The following ACVR2A variants were observed in gnomAD, a reference collection of about 807,000 sequenced individuals.
ACVR2A encodes activin A receptor type 2A.
A neutral mutation model predicts 61.4 loss-of-function variants in ACVR2A; 7 were observed. The observed-to-expected ratio is 0.11, with a 90% CI of 0.06 to 0.21. The LOEUF (loss-of-function observed/expected upper bound fraction) is 0.21. Among genes scored for constraint, ACVR2A ranks in the 10% least tolerant of loss-of-function variants. ACVR2A has a pLI of 1.00. For synonymous variants in ACVR2A, 193 were observed against 208.3 expected, an observed-to-expected ratio of 0.93 and a Z score of 0.63; for missense variants, 322 against 621.7, an observed-to-expected ratio of 0.52 and a Z score of 5.13.
chr2:147,862,896 A>G (rs906452779), intron 1 of ACVR2A, among the ~76,000 whole-genome samples: 1 of 152,192 alleles, frequency 6.6e-6, no homozygotes, highest in African/African-American at 2.4e-5. Context: ...ATGTATAACA[A>G]TAGTATTGCT....
intron 1 of ACVR2A, among the ~76,000 whole-genome samples, chr2:147,886,951 C>G (rs1033013760): frequency 6.6e-6 from 1 of 152,080 alleles, no homozygotes; most frequent in African/African-American, 2.4e-5. Flanking sequence ...TGGCTCACAC[C>G]TGTAATCCCA....
intron 1 of ACVR2A, among the ~76,000 whole-genome samples, chr2:147,878,338 T>C (rs1274186028): frequency 1.3e-5 from 2 of 152,226 alleles, no homozygotes; most frequent in Non-Finnish European, 1.5e-5. Flanking sequence ...TTATAGTACT[T>C]ACGTAAGCCA....
rs1687494213 is a variant in ACVR2A at position 147,926,172 on chromosome 2, C to T, written c.1347+11C>T. 2 of 1,596,466 alleles carry T rather than the reference C, an allele frequency of 1.3e-6. No homozygotes were observed. The highest frequency in any genetic ancestry group is 2.7e-5 in the African/African-American group (2 of 73,620). On this transcript the variant is annotated intron_variant, in intron 10 of 10. Transcript: ENST00000241416. Reference sequence around the variant, plus strand: ...TGGCAGAAACATGCTGTAAGTTATCCAGTTAGCTTTTCATTTGAAATTCCA... The same window carrying T: ...TGGCAGAAACATGCTGTAAGTTATCTAGTTAGCTTTTCATTTGAAATTCCA...
rs774933071 is a variant in ACVR2A, at chr2:147,877,224, A to G, written c.56-19077A>G. Among the ~76,000 whole-genome samples the G allele has an allele frequency of 6.6e-5, 10 of 152,076 alleles. 1 individual carries two copies. Among genetic ancestry groups the G allele is most frequent in the Admixed American group, 2.6e-4 (4 of 15,254 alleles). On this transcript the variant is annotated intron_variant, in intron 1 of 10. Coordinates refer to ENST00000241416, the MANE Select transcript of ACVR2A (RefSeq NM_001616.5). ...CCACTAGTAAGAATTTTTTTGTCTTATGTTTAAATGTTTCACTAATAGAAG... is the reference window on the plus strand; with the variant it reads ...CCACTAGTAAGAATTTTTTTGTCTTGTGTTTAAATGTTTCACTAATAGAAG...
intron 1 of ACVR2A, among the ~76,000 whole-genome samples, chr2:147,880,385 A>G (rs1372202607): frequency 1.3e-5 from 2 of 152,132 alleles, no homozygotes; most frequent in Admixed American, 1.3e-4. Context: ...TCATTTTTTT[A>G]TATTTCTTTA....
chr2:147,907,087 G>A (rs991182292), intron 4 of ACVR2A, among the ~76,000 whole-genome samples: 5 of 151,972 alleles, frequency 3.3e-5, no homozygotes, highest in African/African-American at 9.7e-5. Context: ...GAGAACATGT[G>A]GTGTTTGGGT....
At chr2:147,902,536 C>G (rs1479389240) in intron 4 of ACVR2A, among the ~76,000 whole-genome samples, 1 of 151,928 alleles carries the variant, frequency 6.6e-6, no homozygotes, top group Non-Finnish European at 1.5e-5. Context: ...AACATTGTCT[C>G]ACATAGGACA....
Position 147,929,814 on chromosome 2 carries a change from T to TA in ACVR2A, c.*2540_*2541insA, listed in dbSNP as rs946116778. The TA allele has an allele frequency of 1.3e-5, 2 of 152,310 alleles. No homozygotes were observed. The highest frequency in any genetic ancestry group is 4.8e-5 in the African/African-American group (2 of 41,388). 9.4% of individuals were successfully genotyped at this position (152,310 alleles called of 1,614,324 possible). On this transcript the variant is annotated 3_prime_UTR_variant, in exon 11 of 11. Coordinates refer to ENST00000241416, the MANE Select transcript of ACVR2A (RefSeq NM_001616.5). ...CCCCCCAAATAACTCTTTCCTCATG[T>TA]GTATGGTGCTCCTCATGACTCGTCT...
At chr2:147,861,739 A>T (rs747676341) in intron 1 of ACVR2A, among the ~76,000 whole-genome samples, 2 of 152,150 alleles carry the variant, frequency 1.3e-5, no homozygotes, top group Non-Finnish European at 2.9e-5. Flanking sequence ...TGGATAAGGG[A>T]TATTCAGCCT....
At chr2:147,889,012 A>G (rs1459958477) in intron 1 of ACVR2A, among the ~76,000 whole-genome samples, 3 of 149,364 alleles carry the variant, frequency 2.0e-5, no homozygotes, top group African/African-American at 7.4e-5. Flanking sequence ...TTTTTTTTTT[A>G]TTGTGAATAA....
intron 1 of ACVR2A, among the ~76,000 whole-genome samples, chr2:147,891,164 G>A (rs1573683755): frequency 6.6e-6 from 1 of 152,094 alleles, no homozygotes; most frequent in Admixed American, 6.5e-5. Context: ...AGTGCCCTAG[G>A]CAGCCATTAC....
intron 1 of ACVR2A, among the ~76,000 whole-genome samples, chr2:147,891,968 T>G (rs1037501580): frequency 6.6e-6 from 1 of 151,968 alleles, no homozygotes; most frequent in Non-Finnish European, 1.5e-5. Flanking sequence ...TTTTTGTTTT[T>G]TTTGTTTTGT....
intron 8 of ACVR2A, among the ~76,000 whole-genome samples, chr2:147,921,288 G>T (rs1687375282): frequency 6.6e-6 from 1 of 152,086 alleles, no homozygotes; most frequent in Non-Finnish European, 1.5e-5. Flanking sequence ...TCCCACCTCG[G>T]CCTCCCAAAG....
chr2:147,888,316 G>A (rs901831121), intron 1 of ACVR2A, among the ~76,000 whole-genome samples: 1 of 152,128 alleles, frequency 6.6e-6, no homozygotes, highest in African/African-American at 2.4e-5. Flanking sequence ...TGTTTACAGT[G>A]AAACTTGCTG....
At chr2:147,877,443 A>G (rs968237719) in intron 1 of ACVR2A, 6 of 152,216 alleles carry the variant, frequency 3.9e-5, no homozygotes, top group African/African-American at 1.2e-4. Context: ...GGCAGCACAT[A>G]TACTAATATC....
At chr2:147,915,383 G>T (rs1687225184) in intron 5 of ACVR2A, 49 bp downstream of exon 5, 1 of 1,602,892 alleles carries the variant, frequency 6.2e-7, no homozygotes, top group Admixed American at 1.7e-5. Flanking sequence ...TTATGGCTAG[G>T]TCATCATAAC....
chr2:147,864,428 C>T (rs1472070745), intron 1 of ACVR2A, among the ~76,000 whole-genome samples: 1 of 152,060 alleles, frequency 6.6e-6, no homozygotes, highest in African/African-American at 2.4e-5. Context: ...GGTGAGGTTT[C>T]ACCATCTTGG....
intron 1 of ACVR2A, among the ~76,000 whole-genome samples, chr2:147,867,742 G>A (rs954647198): frequency 1.3e-5 from 2 of 152,076 alleles, no homozygotes; most frequent in African/African-American, 4.8e-5. Flanking sequence ...CTTACTTCTT[G>A]TCACTTACAA....
intron 1 of ACVR2A, among the ~76,000 whole-genome samples, chr2:147,872,067 C>T (rs1686034488): frequency 6.6e-6 from 1 of 152,036 alleles, no homozygotes; most frequent in Non-Finnish European, 1.5e-5. Flanking sequence ...TCCATTTTCT[C>T]CTTTGAGTTA....
Sources: gnomAD v4.1 joint callset for allele counts (sites outside exome capture counted in the v4.1 genomes callset) on GRCh38, gnomAD v4.1.1 for gene constraint, MANE v1.5 for transcripts, NCBI Gene and HGNC (gene_info 2026-07-23, HGNC 2026-07-21) for gene names.